The following SPAG16 variants were observed in gnomAD, a reference collection of about 807,000 sequenced individuals.
SPAG16 encodes sperm-associated antigen 16 protein.
SPAG16 carries 86 observed loss-of-function variants against 80.4 expected under a neutral mutation model. The ratio of observed to expected loss-of-function variants is 1.07; its 90% CI spans 0.90 to 1.28. The LOEUF (loss-of-function observed/expected upper bound fraction) is 1.28, where lower values mean the gene tolerates loss of function less well. Ranked by LOEUF, SPAG16 falls within the 50% of genes most tolerant of loss-of-function variation. The pLI is 0.00. For missense variants in SPAG16, 870 were observed against 765.3 expected, an observed-to-expected ratio of 1.14 and a Z score of -1.61; for synonymous variants, 294 against 265.9, an observed-to-expected ratio of 1.11 and a Z score of -1.03.
intron 14 of SPAG16, among the ~76,000 whole-genome samples, chr2:214,117,385 A>G: frequency 6.6e-6 from 1 of 152,218 alleles, no homozygotes; most frequent in East Asian, 1.9e-4. Flanking sequence ...AGAAAAGCTC[A>G]GAAGTAGGCT....
chr2:214,143,561 A>G (rs1331345659), intron 14 of SPAG16, among the ~76,000 whole-genome samples: 1 of 152,164 alleles, frequency 6.6e-6, no homozygotes, highest in Admixed American at 6.5e-5. Flanking sequence ...TTTGTGTCTT[A>G]TGATCACAAA....
rs1219151017 is a variant in SPAG16 at position 213,596,539 on chromosome 2, T to C, written c.1070+106449T>C. On this transcript the variant is annotated intron_variant, in intron 10 of 15. Coordinates refer to ENST00000331683, the MANE Select transcript of SPAG16 (RefSeq NM_024532.5). ...AAATTTCAGATGACATTTAAGAATATGATTAAACAAATTTTCAAATAAAAA... is the reference window on the plus strand; with the variant it reads ...AAATTTCAGATGACATTTAAGAATACGATTAAACAAATTTTCAAATAAAAA... 6.6e-5 allele frequency among the ~76,000 whole-genome samples: 10 copies of C among 152,172 alleles called. No individual in the cohort carries two copies. The East Asian group carries it at 1.9e-3, about 29-fold the overall frequency.
At chr2:213,834,442 A>G (rs2073967171) in intron 10 of SPAG16, among the ~76,000 whole-genome samples, 1 of 152,226 alleles carries the variant, frequency 6.6e-6, no homozygotes, top group Non-Finnish European at 1.5e-5. Context: ...ATCTAATAGT[A>G]TTAAACTAAG....
intron 13 of SPAG16, among the ~76,000 whole-genome samples, chr2:214,055,834 C>A (rs1428944362): frequency 6.6e-6 from 1 of 151,968 alleles, no homozygotes; most frequent in East Asian, 1.9e-4. Flanking sequence ...ACATAAAATT[C>A]TAAAAACATG....
chr2:214,125,286 A>G (rs562909975), intron 14 of SPAG16, among the ~76,000 whole-genome samples: 2 of 151,648 alleles, frequency 1.3e-5, no homozygotes, highest in South Asian at 4.1e-4. Flanking sequence ...GAGGGATAGA[A>G]TTTTTTTCTA....
At chr2:213,672,864 T>G (rs1373195112) in intron 10 of SPAG16, among the ~76,000 whole-genome samples, 1 of 149,252 alleles carries the variant, frequency 6.7e-6, no homozygotes, top group Non-Finnish European at 1.5e-5. Context: ...TGTTTGTTTT[T>G]TTTTTTTTTT....
chr2:213,479,182 GTTC>G (rs1247374401), intron 9 of SPAG16, among the ~76,000 whole-genome samples: 1 of 124,826 alleles, frequency 8.0e-6, no homozygotes, highest in Admixed American at 1.0e-4. Flanking sequence ...TGCCAGGAAT[GTTC>G]TTCTTCTAAA....
At chr2:214,061,230 GA>G (rs1208141938) in intron 13 of SPAG16, among the ~76,000 whole-genome samples, 1 of 152,160 alleles carries the variant, frequency 6.6e-6, no homozygotes, top group Non-Finnish European at 1.5e-5. Flanking sequence ...AGGATTAGAG[GA>G]AGGGAAGCAG....
At chr2:214,354,182 G>A (rs774501122) in intron 15 of SPAG16, among the ~76,000 whole-genome samples, 1 of 152,114 alleles carries the variant, frequency 6.6e-6, no homozygotes, top group East Asian at 1.9e-4. Flanking sequence ...TGTATAAGGT[G>A]TAAGGAAGGG....
At chr2:213,489,223 A>T (rs1179580038) in intron 9 of SPAG16, among the ~76,000 whole-genome samples, 1 of 152,146 alleles carries the variant, frequency 6.6e-6, no homozygotes, top group Non-Finnish European at 1.5e-5. Flanking sequence ...GGGATTCATA[A>T]CTTCTTTTTT....
intron 11 of SPAG16, among the ~76,000 whole-genome samples, chr2:213,920,578 G>A (rs1231023577): frequency 6.6e-6 from 1 of 152,162 alleles, no homozygotes; most frequent in African/African-American, 2.4e-5. Context: ...TGCCAGTCAG[G>A]CACAGTTCAC....
Position 213,654,109 on chromosome 2 carries a change from T to C in SPAG16, c.1070+164019T>C, listed in dbSNP as rs1043062425. Among the ~76,000 whole-genome samples the C allele has an allele frequency of 3.3e-5, 5 of 152,318 alleles. No individual in the cohort carries two copies. In the East Asian group the frequency reaches 7.7e-4, roughly 24 times the overall value. On this transcript the variant is annotated intron_variant, in intron 10 of 15. Transcript: ENST00000331683. ...AAAGATTTTGTACAAATCTCTCTGA[T>C]AGTCAATACTAAATCAGTAATGGAG...
At chr2:213,443,693 G>A (rs999786653) in intron 9 of SPAG16, among the ~76,000 whole-genome samples, 1 of 152,122 alleles carries the variant, frequency 6.6e-6, no homozygotes, top group African/African-American at 2.4e-5. Flanking sequence ...GGGTCATATG[G>A]TTTGTTCTAC....
chr2:213,441,362 G>A (rs74399470), intron 9 of SPAG16, among the ~76,000 whole-genome samples: 2 of 152,242 alleles, frequency 1.3e-5, no homozygotes, highest in East Asian at 1.9e-4. Context: ...TCTTCTATAC[G>A]CATAGTATGG....
At chr2:213,354,805 G>C (rs113534947) in intron 7 of SPAG16, among the ~76,000 whole-genome samples, 14,914 of 152,092 alleles carry the variant, frequency 0.098, 1,911 homozygotes, top group African/African-American at 0.29. Context: ...TTCTCCCATT[G>C]TGTAGGTTAC....
At chr2:213,404,806 A>G (rs560786813) in intron 9 of SPAG16, among the ~76,000 whole-genome samples, 12 of 152,250 alleles carry the variant, frequency 7.9e-5, no homozygotes, top group East Asian at 7.7e-4. Context: ...GAGTAATTGT[A>G]TGTTTTACTT....
intron 12 of SPAG16, among the ~76,000 whole-genome samples, chr2:213,932,246 T>A (rs895183354): frequency 6.7e-6 from 1 of 149,302 alleles, no homozygotes; most frequent in Non-Finnish European, 1.5e-5. Flanking sequence ...AATCTTGTTC[T>A]GTCACCCAGG....
chr2:214,079,547 C>T (rs922121799), intron 13 of SPAG16, among the ~76,000 whole-genome samples: 10 of 152,280 alleles, frequency 6.6e-5, no homozygotes, highest in Non-Finnish European at 1.0e-4. Flanking sequence ...AAAACTTAAT[C>T]ATCATGTTAA....
intron 15 of SPAG16, among the ~76,000 whole-genome samples, chr2:214,303,485 T>G (rs1304946127): frequency 6.6e-6 from 1 of 152,184 alleles, no homozygotes; most frequent in Non-Finnish European, 1.5e-5. Context: ...TGTTTAGAAA[T>G]GCATACTTAT....
Sources: gnomAD v4.1 joint callset for allele counts (sites outside exome capture counted in the v4.1 genomes callset) on GRCh38, gnomAD v4.1.1 for gene constraint, MANE v1.5 for transcripts, NCBI Gene and HGNC (gene_info 2026-07-23, HGNC 2026-07-21) for gene names.